DGKA: variants seen among roughly 807,000 people sequenced by gnomAD.
DGKA encodes the protein diacylglycerol kinase alpha.
In DGKA, 35 loss-of-function variants were observed where a neutral mutation model predicts 105.0. The ratio of observed to expected loss-of-function variants is 0.33; its 90% confidence interval spans 0.25 to 0.44. DGKA has a LOEUF of 0.44. Among genes scored for constraint, DGKA ranks in the 20% least tolerant of loss-of-function variants. The pLI is 1.00. For synonymous variants in DGKA, 296 were observed against 332.0 expected, an observed-to-expected ratio of 0.89 and a Z score of 1.18; for missense variants, 665 against 915.0, an observed-to-expected ratio of 0.73 and a Z score of 3.53.
Position 55,940,334 on chromosome 12 carries a change from G to A in DGKA, c.819G>A (p.Val273=). ...KDIGVQSHVW[V]RGGCESGRCD... is the part of the protein sequence containing the mutation. ...CCAAGGTCCAATCACATGTGTGGGT[G>A]CGAGGAGGCTGTGAGTCCGGGCGCT... is the stretch of plus-strand genomic sequence containing the variant. The change falls in exon 11 of 24, where the codon GTG becomes GTA. Residue 273 remains valine (V), a synonymous_variant. Coordinates refer to ENST00000331886, the MANE Select transcript of DGKA (RefSeq NM_001345.5). The surrounding 1 kb of genome is among the most constrained non-coding windows in gnomAD (Gnocchi z 4.3). 1 of 1,614,248 alleles carries A rather than the reference G, an allele frequency of 6.2e-7. No homozygotes were observed. The highest frequency in any genetic ancestry group is 8.5e-7 in the Non-Finnish European group (1 of 1,180,050).
intron 17 of DGKA, among the ~76,000 whole-genome samples, chr12:55,945,894 A>G (rs1345490327): frequency 6.6e-6 from 1 of 151,426 alleles, no homozygotes; most frequent in African/African-American, 2.4e-5. Flanking sequence ...GGCCCAAGCA[A>G]TTCTCATGTC....
intron 17 of DGKA, among the ~76,000 whole-genome samples, chr12:55,947,514 A>T (rs1887284152): frequency 1.3e-5 from 2 of 152,146 alleles, no homozygotes; most frequent in Non-Finnish European, 2.9e-5. Flanking sequence ...TCTTTTTCTA[A>T]CTTAACAGTT....
chr12:55,931,147 G>A (rs1039444887), upstream of DGKA: 6 of 152,186 alleles, frequency 3.9e-5, no homozygotes, highest in Non-Finnish European at 8.8e-5. Context: ...CAGTGAGCAG[G>A]ATGCCTGGGT....
At chr12:55,943,694 GA>G (rs1464165143) in intron 17 of DGKA, among the ~76,000 whole-genome samples, 1 of 151,718 alleles carries the variant, frequency 6.6e-6, no homozygotes, top group African/African-American at 2.4e-5. Context: ...CAGTGAGGGG[GA>G]ACTCGATGTA....
In DGKA at chr12:55,939,483, G is replaced by A. The variant is rs145805273; in HGVS notation, c.663G>A (p.Leu221=). 3.4e-5 allele frequency: 55 copies of A among 1,614,228 alleles called. No homozygotes were observed. Among genetic ancestry groups the A allele is most frequent in the Non-Finnish European group, 4.6e-5 (54 of 1,180,046 alleles). ...KRFPRPVYCN[L]CESSIGLGKQ... Reference sequence around the variant, plus strand: ...TCCCCAGACCAGTCTACTGCAATCTGTGCGAGTCAAGCATTGGTCTTGGCA... The same window carrying A: ...TCCCCAGACCAGTCTACTGCAATCTATGCGAGTCAAGCATTGGTCTTGGCA... The change falls in exon 9 of 24, where the codon CTG becomes CTA. Residue 221 remains leucine, a synonymous_variant. Transcript: ENST00000331886.
intron 7 of DGKA, 73 bp from the exon 8 acceptor site, chr12:55,939,113 C>A: frequency 6.2e-7 from 1 of 1,605,376 alleles, no homozygotes. Context: ...GCTGGATATC[C>A]TAAGAGGCAG....
chr12:55,951,320 A>T (rs1283206822), intron 17 of DGKA, among the ~76,000 whole-genome samples: 1 of 152,172 alleles, frequency 6.6e-6, no homozygotes, highest in Non-Finnish European at 1.5e-5. Flanking sequence ...AGGGTGAGAG[A>T]GGATTATCCC....
chr12:55,953,373 A>T lies in DGKA; in HGVS notation c.2087A>T (p.Gln696Leu). 6.2e-7 allele frequency: 1 copy of T among 1,614,108 alleles called. No individual in the cohort carries two copies. The highest frequency in any genetic ancestry group is 8.5e-7 in the Non-Finnish European group (1 of 1,180,010). Residue 696 changes from glutamine to leucine, a missense_variant, in exon 23 of 24, where the codon CAA (glutamine) becomes CTA (leucine). Physicochemically the swap from Gln to Leu is moderately radical, Grantham distance 113 (BLOSUM62 -2). Coordinates refer to ENST00000331886, the MANE Select transcript of DGKA (RefSeq NM_001345.5). Reference protein sequence around the residue: ...TFHTTKTLPMQIDGEPWMQTP... With the variant: ...TFHTTKTLPMLIDGEPWMQTP... ...AGCACCACAAAAACCCTTCCCATGC[A>T]AATTGACGGAGAACCCTGGATGCAG...
At chr12:55,937,717 G>A (rs1485687749) in intron 4 of DGKA, among the ~76,000 whole-genome samples, 174 bp downstream of exon 4, 1 of 152,162 alleles carries the variant, frequency 6.6e-6, no homozygotes, top group East Asian at 1.9e-4. Flanking sequence ...GGAAAGGTAA[G>A]TCGAGGGCAG....
Position 55,937,391 on chromosome 12 carries a change from G to A in DGKA, c.139-17G>A. ...GACCTTGCAGACTCCCCAGGATAAT[G>A]CTCACTCTCATTATAGGCCATTGGG... On this transcript the variant is annotated splice_polypyrimidine_tract_variant and intron_variant, in intron 3 of 23. Transcript: ENST00000331886. 1 of 1,612,468 alleles carries A rather than the reference G, an allele frequency of 6.2e-7. No individual in the cohort carries two copies. Among genetic ancestry groups the A allele is most frequent in the Non-Finnish European group, 8.5e-7 (1 of 1,179,064 alleles).
chr12:55,953,649 A>T (rs766429930), intron 23 of DGKA, 36 bp from the exon 24 acceptor site: 2 of 1,595,030 alleles, frequency 1.3e-6, no homozygotes, highest in Non-Finnish European at 1.7e-6. Flanking sequence ...CCAAAGTATC[A>T]GGTCCTGCCT....
chr12:55,936,722 T>C (rs1161494661), intron 2 of DGKA, 155 bp downstream of exon 2: 2 of 1,119,208 alleles, frequency 1.8e-6, no homozygotes, highest in Non-Finnish European at 2.7e-6. Context: ...GAGTGGGAGA[T>C]GGGGAGATGT....
chr12:55,953,384 G>C lies in DGKA; in HGVS notation c.2098G>C (p.Glu700Gln), dbSNP rs1375267609. ...AACCCTTCCCATGCAAATTGACGGAGAACCCTGGATGCAGACGCCCTGTAC... is the reference window on the plus strand; with the variant it reads ...AACCCTTCCCATGCAAATTGACGGACAACCCTGGATGCAGACGCCCTGTAC... ...TKTLPMQIDG[E>Q]PWMQTPCTIK... is the part of the protein sequence containing the mutation. The change falls in exon 23 of 24, where the codon GAA becomes CAA. Residue 700 changes from glutamate to glutamine, a missense_variant. By Grantham distance (29) the Glu-to-Gln change is conservative (BLOSUM62 2). Coordinates refer to ENST00000331886, the MANE Select transcript of DGKA (RefSeq NM_001345.5). 6.2e-7 allele frequency: 1 copy of C among 1,613,964 alleles called. No homozygotes were observed. The highest frequency in any genetic ancestry group is 8.5e-7 in the Non-Finnish European group (1 of 1,180,000).
At position 55,940,493 on chromosome 12, in the gene DGKA, G is replaced by A. The variant is rs192366788; in HGVS notation, c.918+60G>A. Reference sequence around the variant, plus strand: ...TACCCCGCAGAGCTGCCTTCTCCACGGGCCTCCGGCCACACCTCCTTTACA... The same window carrying A: ...TACCCCGCAGAGCTGCCTTCTCCACAGGCCTCCGGCCACACCTCCTTTACA... On this transcript the variant is annotated intron_variant, in intron 11 of 23. Transcript: ENST00000331886. The surrounding 1 kb of genome is among the most constrained non-coding windows in gnomAD (Gnocchi z 4.3). The A allele has an allele frequency of 5.6e-6, 9 of 1,599,898 alleles. No homozygotes were observed. Among genetic ancestry groups the A allele is most frequent in the South Asian group, 1.1e-5 (1 of 89,264 alleles).
intron 17 of DGKA, among the ~76,000 whole-genome samples, chr12:55,945,425 G>A (rs1886804502): frequency 6.6e-6 from 1 of 152,196 alleles, no homozygotes; most frequent in Non-Finnish European, 1.5e-5. Context: ...GCGTCCCATT[G>A]CTGCTGTCGC....
rs1319425250 is a variant in DGKA, at chr12:55,951,904, A to G, written c.1587+121A>G. ...TGTGACACAGGGAAATTGGGAGTGC[A>G]GTACAGTGCTGAGTTGCAAGGGAAG... On this transcript the variant is annotated intron_variant, in intron 18 of 23. Coordinates refer to ENST00000331886, the MANE Select transcript of DGKA (RefSeq NM_001345.5). The G allele has an allele frequency of 2.0e-6, 3 of 1,502,290 alleles. No homozygotes were observed. The African/African-American group carries it at 4.1e-5, about 21-fold the overall frequency. The allele number at this position is 1,502,290 out of a possible 1,614,324, so 93.1% of individuals were successfully genotyped here.
rs368780293 is a variant in DGKA at position 55,935,736 on chromosome 12, G to T, written c.-81-687G>T. 73 of 260,942 alleles carry T rather than the reference G, an allele frequency of 2.8e-4. 1 individual carries two copies. The highest frequency in any genetic ancestry group is 1.5e-3 in the African/African-American group (67 of 43,508). The allele number at this position is 260,942 out of a possible 1,614,324, so 16.2% of individuals were successfully genotyped here. A position where few individuals can be genotyped will look rare whatever the true frequency, so the allele number is the denominator to read the frequency against. On this transcript the variant is annotated intron_variant, in intron 1 of 23. Transcript: ENST00000331886. ...TCTTCCCCTGCCTCTTCCCTACCCCGCGCCTAGTTCCCCACCCTTCCCTAG... is the reference window on the plus strand; with the variant it reads ...TCTTCCCCTGCCTCTTCCCTACCCCTCGCCTAGTTCCCCACCCTTCCCTAG...
At chr12:55,927,958 G>C (rs1021906602), upstream of DGKA, 18 of 637,606 alleles carry the variant, frequency 2.8e-5, no homozygotes, top group Middle Eastern at 3.3e-4. Flanking sequence ...GACCTACTTA[G>C]TATTCTAATT....
In DGKA at chr12:55,950,793, C is replaced by T. The variant is rs1017115417; in HGVS notation, c.1427-830C>T. On this transcript the variant is annotated intron_variant, in intron 17 of 23. Coordinates refer to ENST00000331886, the MANE Select transcript of DGKA (RefSeq NM_001345.5). ...CTCACTATGTTGGCCAGGCTGGTCTCGAACTCCTGGGTTTGAGCAATCCTC... is the reference window on the plus strand; with the variant it reads ...CTCACTATGTTGGCCAGGCTGGTCTTGAACTCCTGGGTTTGAGCAATCCTC... Among the ~76,000 whole-genome samples the T allele has an allele frequency of 2.0e-5, 3 of 151,974 alleles. 1 individual carries two copies. Among genetic ancestry groups the T allele is most frequent in the East Asian group, 1.9e-4 (1 of 5,186 alleles).
Sources: allele counts gnomAD v4.1 joint callset (sites outside exome capture counted in the v4.1 genomes callset), GRCh38; gene constraint gnomAD v4.1.1; non-coding constraint Gnocchi (gnomAD v3.1); transcripts MANE v1.5; gene names NCBI Gene and HGNC (gene_info 2026-07-23, HGNC 2026-07-21).